The following ZDHHC11B variants were observed in gnomAD, a reference collection of about 807,000 sequenced individuals.
The protein encoded by ZDHHC11B is zDHHC palmitoyltransferase 11B (putative).
Under a neutral mutation model 42.3 loss-of-function variants are expected in ZDHHC11B, and 17 were observed. The ratio of observed to expected loss-of-function variants is 0.40; its 90% CI spans 0.27 to 0.60. ZDHHC11B has a LOEUF of 0.60. Ranked by LOEUF, ZDHHC11B falls within the 20% of genes least tolerant of loss-of-function variation. The pLI is 0.41. For missense variants in ZDHHC11B, 262 were observed against 463.2 expected (o/e 0.57, Z 3.99); for synonymous variants, 123 against 193.5 (o/e 0.64, Z 3.02).
chr5:736,078 C>A (rs2127019021), intron 10 of ZDHHC11B, among the ~76,000 whole-genome samples: 1 of 149,364 alleles, frequency 6.7e-6, no homozygotes, highest in African/African-American at 2.5e-5. Context: ...AAGAGACACA[C>A]CTAATGTATA....
chr5:713,104 C>A (rs1057238401), intron 13 of ZDHHC11B, among the ~76,000 whole-genome samples: 2 of 150,912 alleles, frequency 1.3e-5, no homozygotes, highest in Admixed American at 1.3e-4. Flanking sequence ...TCCCAATTTT[C>A]TCTCTTTTCT....
chr5:763,113 T>A (rs1734833685), intron 4 of ZDHHC11B, among the ~76,000 whole-genome samples: 1 of 151,896 alleles, frequency 6.6e-6, no homozygotes, highest in African/African-American at 2.4e-5. Flanking sequence ...CTCACGCCTA[T>A]AATCCCAGCA....
intron 10 of ZDHHC11B, among the ~76,000 whole-genome samples, chr5:739,662 T>C (rs1343036431): frequency 2.0e-5 from 3 of 146,768 alleles, no homozygotes; most frequent in African/African-American, 7.5e-5. Flanking sequence ...TTTACACTGC[T>C]AGTGGGAATG....
chr5:732,823 G>T (rs192339302), intron 11 of ZDHHC11B, among the ~76,000 whole-genome samples: 1 of 151,978 alleles, frequency 6.6e-6, no homozygotes, highest in Admixed American at 6.6e-5. Context: ...TGAGCCTGGG[G>T]AATCACTTGA....
intron 1 of ZDHHC11B, among the ~76,000 whole-genome samples, chr5:783,063 C>G (rs1429567387): frequency 1.3e-5 from 2 of 152,112 alleles, no homozygotes; most frequent in African/African-American, 4.8e-5. Context: ...CACGCACACG[C>G]GGTCCAATCC....
At chr5:713,534 C>T (rs1306582610) in intron 13 of ZDHHC11B, among the ~76,000 whole-genome samples, 2 of 151,930 alleles carry the variant, frequency 1.3e-5, no homozygotes, top group African/African-American at 2.4e-5. Flanking sequence ...TGCTTCTTTG[C>T]TTTGTAGTTT....
chr5:721,390 A>C (rs772145173), intron 12 of ZDHHC11B, among the ~76,000 whole-genome samples: 2 of 151,670 alleles, frequency 1.3e-5, no homozygotes, highest in African/African-American at 2.4e-5. Flanking sequence ...ATAGATAGAT[A>C]GATTGAACTT....
At chr5:775,229 C>A (rs1427964355) in intron 1 of ZDHHC11B, among the ~76,000 whole-genome samples, 15 of 151,968 alleles carry the variant, frequency 9.9e-5, no homozygotes, top group Non-Finnish European at 1.9e-4. Context: ...ACAGCTCCAC[C>A]TGCTCTGGAG....
At chr5:733,664 T>C (rs1743241866) in intron 11 of ZDHHC11B, 88 bp downstream of exon 11, 3 of 1,178,622 alleles carry the variant, frequency 2.5e-6, no homozygotes, top group Admixed American at 1.8e-5. Context: ...TTCTGAATAC[T>C]GCCTTAACCT....
chr5:724,546 T>C (rs942714661), intron 12 of ZDHHC11B, among the ~76,000 whole-genome samples: 1 of 141,686 alleles, frequency 7.1e-6, no homozygotes, highest in Non-Finnish European at 1.5e-5. Context: ...TGGCTAATCC[T>C]TTTGTATTTT....
rs1298654065 is a variant in ZDHHC11B at position 749,354 on chromosome 5, C to T, written c.629-795G>A. 1.5e-5 allele frequency among the ~76,000 whole-genome samples: 2 copies of T among 129,342 alleles called. 1 individual carries two copies. Among genetic ancestry groups the T allele is most frequent in the Admixed American group, 1.8e-4 (2 of 11,316 alleles). The allele number at this position is 129,342 out of a possible 152,430, so 84.9% of individuals were successfully genotyped here. A position where few individuals can be genotyped will look rare whatever the true frequency, so the allele number is the denominator to read the frequency against. ...GGCGTAATGCAGAATGGCAGAGGGC[C>T]AGGCAAGGCAGAATGGCAGAGGGTC... On this transcript the variant is annotated intron_variant, in intron 7 of 13. Coordinates refer to ENST00000508859, the MANE Select transcript of ZDHHC11B (RefSeq NM_001351303.2).
chr5:732,897 C>G (rs72503636), intron 11 of ZDHHC11B, among the ~76,000 whole-genome samples: 2 of 151,774 alleles, frequency 1.3e-5, no homozygotes, highest in African/African-American at 4.9e-5. Flanking sequence ...AAATAAAAAA[C>G]AAAAAATAAA....
In ZDHHC11B at chr5:746,459, C is replaced by T. The variant is rs1333044022; in HGVS notation, c.785-1161G>A. On this transcript the variant is annotated intron_variant, in intron 8 of 13. Coordinates refer to ENST00000508859, the MANE Select transcript of ZDHHC11B (RefSeq NM_001351303.2). ...GCCTGGGCGTCCTGCTTCCAGGCAT[C>T]CTGCCTCCTGCCCACAGCAGCCGCC... Among the ~76,000 whole-genome samples, 3 of 131,472 alleles carry T rather than the reference C, an allele frequency of 2.3e-5. 1 individual carries two copies. Among genetic ancestry groups the T allele is most frequent in the South Asian group, 3.3e-4 (1 of 3,042 alleles). The allele number at this position is 131,472 out of a possible 152,430, so 86.3% of individuals were successfully genotyped here. A position where few individuals can be genotyped will look rare whatever the true frequency, so the allele number is the denominator to read the frequency against.
At chr5:752,879 G>C (rs12516755) in intron 6 of ZDHHC11B, among the ~76,000 whole-genome samples, 87,510 of 118,422 alleles carry the variant, frequency 0.74, 37,975 homozygotes, top group East Asian at 0.95. Flanking sequence ...ACTGTCTGGA[G>C]AGGACTCCCC....
intron 4 of ZDHHC11B, among the ~76,000 whole-genome samples, chr5:757,643 C>T (rs530141943): frequency 1.6e-3 from 247 of 151,978 alleles, no homozygotes; most frequent in African/African-American, 5.8e-3. Flanking sequence ...GTGCCGAATC[C>T]CTCAGCAGGA....
Position 743,277 on chromosome 5 carries a change from A to C in ZDHHC11B, c.901-1649T>G, listed in dbSNP as rs181038731. The stretch of plus-strand genomic sequence containing the variant: ...TTACTGTAGCTTTATGTCTCTCTCT[A>C]TGTCAGCGCCACCTGTCTTTAGTGT... On this transcript the variant is annotated intron_variant, in intron 9 of 13. Transcript: ENST00000508859. Among the ~76,000 whole-genome samples the C allele has an allele frequency of 9.4e-3, 1,399 of 148,756 alleles. 54 individuals are homozygous for C. The highest frequency in any genetic ancestry group is 0.012 in the Non-Finnish European group (839 of 67,130).
At chr5:775,832 C>G (rs531754862) in intron 1 of ZDHHC11B, among the ~76,000 whole-genome samples, 1 of 151,314 alleles carries the variant, frequency 6.6e-6, no homozygotes, top group Non-Finnish European at 1.5e-5. Context: ...CTGTGAAGGA[C>G]ACGCTGTGTT....
At chr5:778,983 T>A (rs1736764000) in intron 1 of ZDHHC11B, among the ~76,000 whole-genome samples, 1 of 151,710 alleles carries the variant, frequency 6.6e-6, no homozygotes, top group East Asian at 1.9e-4. Context: ...CCAGGCCCTG[T>A]CTTGGAAGCA....
chr5:744,732 G>T (rs1439734139), intron 9 of ZDHHC11B, among the ~76,000 whole-genome samples: 1 of 148,164 alleles, frequency 6.7e-6, no homozygotes, highest in Non-Finnish European at 1.5e-5. Flanking sequence ...TTAGTGGGGC[G>T]TAGTGGCATA....
Sources: allele counts gnomAD v4.1 joint callset (sites outside exome capture counted in the v4.1 genomes callset), GRCh38; gene constraint gnomAD v4.1.1; transcripts MANE v1.5; gene names NCBI Gene and HGNC (gene_info 2026-07-23, HGNC 2026-07-21).